Variants in ROPN1 observed in about 807,000 individuals in gnomAD.
ROPN1 encodes rhophilin associated tail protein 1.
A neutral mutation model predicts 20.5 loss-of-function variants in ROPN1; 14 were observed. The ratio of observed to expected loss-of-function variants is 0.68; its 90% confidence interval spans 0.45 to 1.07. ROPN1 has a LOEUF of 1.07. Among genes scored for constraint, ROPN1 ranks in the 50% least tolerant of loss-of-function variants. ROPN1 has a pLI of 0.00. For synonymous variants in ROPN1, 76 were observed against 95.7 expected, an observed-to-expected ratio of 0.79 and a Z score of 1.20; for missense variants, 169 against 242.8, an observed-to-expected ratio of 0.70 and a Z score of 2.02.
intron 1 of ROPN1, among the ~76,000 whole-genome samples, chr3:123,986,595 G>T (rs981476796): frequency 7.2e-5 from 11 of 152,202 alleles, no homozygotes; most frequent in African/African-American, 2.4e-4. Context: ...TGTTGGCAGG[G>T]GTGGTGCTTG....
chr3:123,979,749 T>A (rs139849378), intron 2 of ROPN1: 256 of 349,364 alleles, frequency 7.3e-4, no homozygotes, highest in African/African-American at 5.2e-3. Flanking sequence ...TGCGGACATC[T>A]TTATGTTGGC....
At chr3:123,976,484 A>G (rs1471359215) in intron 3 of ROPN1, among the ~76,000 whole-genome samples, 3 of 152,236 alleles carry the variant, frequency 2.0e-5, no homozygotes, top group African/African-American at 7.2e-5. Context: ...GACCTTGGAT[A>G]GCTGGGGAGC....
chr3:123,987,105 C>T (rs1011396754), intron 1 of ROPN1, among the ~76,000 whole-genome samples: 95 of 152,364 alleles, frequency 6.2e-4, no homozygotes, highest in African/African-American at 2.2e-3. Context: ...CAAACACTCC[C>T]ACACCAAACT....
chr3:123,975,925 G>T (rs1391693886), intron 3 of ROPN1, among the ~76,000 whole-genome samples: 2 of 152,098 alleles, frequency 1.3e-5, no homozygotes, highest in Non-Finnish European at 2.9e-5. Flanking sequence ...ACTAATGAAT[G>T]GTAAAATTAG....
chr3:123,971,623 G>A (rs1471334287), intron 4 of ROPN1, among the ~76,000 whole-genome samples: 9 of 152,318 alleles, frequency 5.9e-5, no homozygotes, highest in East Asian at 3.9e-4. Flanking sequence ...ATATGAGGCT[G>A]TCTGGGAGGA....
rs183684935 is a variant in ROPN1, at chr3:123,976,043, T to C, written c.235-503A>G. 1.3e-3 allele frequency among the ~76,000 whole-genome samples: 198 copies of C among 152,308 alleles called. 1 individual carries two copies. In the East Asian group the frequency reaches 0.02, roughly 15 times the overall value. ...AATGATATGGGGTATGTGGCTGACC[T>C]GTGGGGATTTGGTCTGGATGCCTAA... On this transcript the variant is annotated intron_variant, in intron 3 of 5. Transcript: ENST00000405845.
At chr3:123,979,669 C>T (rs925310170) in intron 2 of ROPN1, 39 of 387,012 alleles carry the variant, frequency 1.0e-4, no homozygotes, top group Admixed American at 9.6e-4. Flanking sequence ...GTTTGAGGCA[C>T]ACTGTTTTCA....
intron 2 of ROPN1, chr3:123,979,779 G>A: frequency 2.9e-6 from 1 of 348,156 alleles, no homozygotes. Flanking sequence ...TCAGTTCAGA[G>A]AAACACTAAA....
At chr3:123,984,911 T>A (rs1442499845) in intron 1 of ROPN1, among the ~76,000 whole-genome samples, 1 of 152,174 alleles carries the variant, frequency 6.6e-6, no homozygotes, top group Non-Finnish European at 1.5e-5. Flanking sequence ...TTCCCCAGGG[T>A]TTTTCATACT....
chr3:123,969,721 A>G (rs2037876784), intron 5 of ROPN1, among the ~76,000 whole-genome samples: 1 of 152,210 alleles, frequency 6.6e-6, no homozygotes, highest in Non-Finnish European at 1.5e-5. Context: ...ATAAATACAC[A>G]GATTCCTGGG....
At chr3:123,983,359 G>A (rs190804503) in intron 1 of ROPN1, among the ~76,000 whole-genome samples, 24 of 151,430 alleles carry the variant, frequency 1.6e-4, no homozygotes, top group Middle Eastern at 6.8e-3. Context: ...TTTCCACAGC[G>A]GCTGCACCAT....
At chr3:123,988,798 A>C (rs754757146) in intron 1 of ROPN1, among the ~76,000 whole-genome samples, 2 of 152,040 alleles carry the variant, frequency 1.3e-5, no homozygotes, top group Non-Finnish European at 2.9e-5. Flanking sequence ...TAAATAAGTC[A>C]CACACTCTGC....
At chr3:123,977,175 A>G (rs1329851793) in intron 2 of ROPN1, among the ~76,000 whole-genome samples, 194 bp from the exon 3 acceptor site, 5 of 152,214 alleles carry the variant, frequency 3.3e-5, no homozygotes, top group Admixed American at 6.5e-5. Flanking sequence ...CACTTAGGGC[A>G]TAGAGAATGC....
rs375685059 is a variant in ROPN1 at position 123,976,858 on chromosome 3, C to T, written c.234+6G>A. On this transcript the variant is annotated splice_donor_region_variant and intron_variant, in intron 3 of 5. Transcript: ENST00000405845. ...ATTCTCCTCAATGCTGCAGCAGGGC[C>T]CTTACCTGAGAATGCAGGATCTTTA... The T allele has an allele frequency of 4.1e-5, 66 of 1,612,420 alleles. No individual in the cohort carries two copies. The highest frequency in any genetic ancestry group is 5.6e-5 in the Non-Finnish European group (66 of 1,179,066).
Position 123,969,211 on chromosome 3 carries a change from C to T in ROPN1, c.583G>A (p.Asp195Asn), listed in dbSNP as rs1559819869. The change falls in exon 6 of 6, where the codon GAT becomes AAT. Residue 195 changes from aspartate (D) to asparagine (N), a missense_variant. By Grantham distance (23) the Asp-to-Asn change is conservative. Around this residue, in one of 3 missense-constraint regions of ROPN1, gnomAD observed 82 missense variants for 100.1 expected, o/e 0.82. Coordinates refer to ENST00000405845, the MANE Select transcript of ROPN1 (RefSeq NM_001317774.2). ...AAGTCATTCACTGTGATTATACCAT[C>T]AGGGCCAATTCTGTTTGGAAAAAGG... ...NYMEQEVIGP[D>N]GIITVNDFTQ... The T allele has an allele frequency of 6.2e-7, 1 of 1,613,684 alleles. No homozygotes were observed. The highest frequency in any genetic ancestry group is 8.5e-7 in the Non-Finnish European group (1 of 1,179,604).
At chr3:123,984,025 T>C (rs1192582920) in intron 1 of ROPN1, among the ~76,000 whole-genome samples, 1 of 152,178 alleles carries the variant, frequency 6.6e-6, no homozygotes, top group Non-Finnish European at 1.5e-5. Flanking sequence ...GCATACGCCA[T>C]TCTTGTGTGT....
chr3:123,976,710 A>C (rs1256092029), intron 3 of ROPN1, among the ~76,000 whole-genome samples, 154 bp downstream of exon 3: 2 of 152,210 alleles, frequency 1.3e-5, no homozygotes, highest in Non-Finnish European at 2.9e-5. Flanking sequence ...CCATTTGCCA[A>C]GGAAAGATTT....
chr3:123,988,497 A>G (rs2038321397), intron 1 of ROPN1, among the ~76,000 whole-genome samples: 1 of 152,156 alleles, frequency 6.6e-6, no homozygotes, highest in African/African-American at 2.4e-5. Context: ...CCAATATAAG[A>G]TTAGGGCTAT....
In ROPN1 at chr3:123,976,846, C is replaced by G. The variant is rs373312909; in HGVS notation, c.234+18G>C. 2.9e-5 allele frequency: 46 copies of G among 1,606,822 alleles called. No homozygotes were observed. In the African/African-American group the frequency reaches 6.0e-4, roughly 21 times the overall value. Reference sequence around the variant, plus strand: ...CACTGTCCCTACATTCTCCTCAATGCTGCAGCAGGGCCCTTACCTGAGAAT... The same window carrying G: ...CACTGTCCCTACATTCTCCTCAATGGTGCAGCAGGGCCCTTACCTGAGAAT... On this transcript the variant is annotated intron_variant, in intron 3 of 5. Coordinates refer to ENST00000405845, the MANE Select transcript of ROPN1 (RefSeq NM_001317774.2).
Sources: gnomAD v4.1 joint callset for allele counts (sites outside exome capture counted in the v4.1 genomes callset) on GRCh38, gnomAD v4.1.1 for gene constraint, gnomAD v4.1.1 regional missense constraint, MANE v1.5 for transcripts, NCBI Gene and HGNC (gene_info 2026-07-23, HGNC 2026-07-21) for gene names.